Variants in CEP112 observed in about 807,000 individuals in gnomAD.
The protein encoded by CEP112 is centrosomal protein 112, also known as centrosomal protein of 112 kDa.
CEP112 carries 127 observed loss-of-function variants against 153.0 expected under a neutral mutation model. That is an observed-to-expected ratio of 0.83 (90% CI 0.72 to 0.96). The LOEUF is 0.96. Among genes scored for constraint, CEP112 ranks in the 40% least tolerant of loss-of-function variants. CEP112 has a pLI of 0.00. For missense variants in CEP112, 1,089 were observed against 1,101.2 expected, an observed-to-expected ratio of 0.99 and a Z score of 0.16; for synonymous variants, 358 against 374.4, an observed-to-expected ratio of 0.96 and a Z score of 0.51.
chr17:66,102,489 T>A (rs2068602975), intron 6 of CEP112, among the ~76,000 whole-genome samples: 1 of 151,994 alleles, frequency 6.6e-6, no homozygotes, highest in South Asian at 2.1e-4. Context: ...AACTATATAA[T>A]CCTCTCAAAA....
At chr17:65,984,742 C>T (rs992473569) in intron 17 of CEP112, among the ~76,000 whole-genome samples, 1 of 152,010 alleles carries the variant, frequency 6.6e-6, no homozygotes, top group Non-Finnish European at 1.5e-5. Flanking sequence ...AAGCAAATAG[C>T]CCAAGGCCAA....
At chr17:65,979,391 G>A (rs1366301758) in intron 17 of CEP112, among the ~76,000 whole-genome samples, 13 of 151,862 alleles carry the variant, frequency 8.6e-5, no homozygotes, top group South Asian at 4.2e-4. Context: ...ACACCTCTAC[G>A]CGGGTCTATT....
intron 20 of CEP112, among the ~76,000 whole-genome samples, chr17:65,864,301 T>C (rs1171360074): frequency 6.6e-6 from 1 of 152,206 alleles, no homozygotes; most frequent in African/African-American, 2.4e-5. Flanking sequence ...TCTATGTTAA[T>C]GTGCCTAAGT....
In CEP112 at chr17:66,098,217, A is replaced by C. The variant is rs1361638062; in HGVS notation, c.643-1585T>G. 2.0e-5 allele frequency among the ~76,000 whole-genome samples: 3 copies of C among 152,154 alleles called. No individual in the cohort carries two copies. In the East Asian group the frequency reaches 5.8e-4, roughly 29 times the overall value. ...ATCCTTCTTCTGTCCATAAATCTTC[A>C]ATCATCCAGTAGTGCTGCAGCCTCT... On this transcript the variant is annotated intron_variant, in intron 6 of 26. Transcript: ENST00000535342.
chr17:66,096,494 T>C (rs2146280641), intron 7 of CEP112, 91 bp downstream of exon 7: 1 of 1,132,024 alleles, frequency 8.8e-7, no homozygotes, highest in Middle Eastern at 2.1e-4. Context: ...TTTCCTAATG[T>C]AGATCCGCAT....
At chr17:65,776,145 C>T (rs59009755) in intron 21 of CEP112, among the ~76,000 whole-genome samples, 78,243 of 152,036 alleles carry the variant, frequency 0.51, 21,732 homozygotes, top group Non-Finnish European at 0.63. Flanking sequence ...GGACCTCCCA[C>T]CTCCATCTCT....
At chr17:65,705,351 T>C (rs2048861265) in intron 23 of CEP112, among the ~76,000 whole-genome samples, 1 of 152,332 alleles carries the variant, frequency 6.6e-6, no homozygotes, top group Non-Finnish European at 1.5e-5. Context: ...TTTCTTCAGA[T>C]TGAGAATAAG....
Position 65,689,124 on chromosome 17 carries a change from G to GTAC in CEP112, c.2697+4_2697+5insGTA, listed in dbSNP as rs756600052. On this transcript the variant is annotated splice_donor_region_variant and intron_variant, in intron 24 of 26. Transcript: ENST00000535342. ...AAGAGAGTCAAATAGTAAAGGAGAG[G>GTAC]GTACCTGTTCCTGTGACTCCAATTC... is the stretch of plus-strand genomic sequence containing the variant. The GTAC allele has an allele frequency of 6.3e-7, 1 of 1,591,844 alleles. No individual in the cohort carries two copies. Among genetic ancestry groups the GTAC allele is most frequent in the Non-Finnish European group, 8.6e-7 (1 of 1,159,990 alleles).
chr17:65,960,065 C>T (rs1420989215), intron 18 of CEP112, among the ~76,000 whole-genome samples: 1 of 152,166 alleles, frequency 6.6e-6, no homozygotes, highest in African/African-American at 2.4e-5. Context: ...TCCTTAGGCA[C>T]ATTTCTCCCA....
intron 4 of CEP112, among the ~76,000 whole-genome samples, chr17:66,143,051 T>C (rs2070775264): frequency 6.6e-6 from 1 of 152,208 alleles, no homozygotes; most frequent in Non-Finnish European, 1.5e-5. Context: ...TATAGATCTT[T>C]TCCACCTTTG....
At chr17:66,088,841 C>T (rs1275498847) in intron 8 of CEP112, among the ~76,000 whole-genome samples, 1 of 152,124 alleles carries the variant, frequency 6.6e-6, no homozygotes, top group Non-Finnish European at 1.5e-5. Context: ...CACACTCAGG[C>T]CCCTGGCCTG....
At chr17:65,827,660 A>G (rs1321340088) in intron 21 of CEP112, among the ~76,000 whole-genome samples, 2 of 152,160 alleles carry the variant, frequency 1.3e-5, no homozygotes, top group East Asian at 1.9e-4. Flanking sequence ...AGTCAAAGTC[A>G]TTGGAACAGC....
At chr17:65,947,660 TG>T (rs2061691595) in intron 18 of CEP112, among the ~76,000 whole-genome samples, 1 of 152,166 alleles carries the variant, frequency 6.6e-6, no homozygotes, top group Non-Finnish European at 1.5e-5. Context: ...GTTTATTTTT[TG>T]TTTTTCAAAG....
chr17:66,148,521 T>C (rs1416479685), intron 4 of CEP112, among the ~76,000 whole-genome samples: 1 of 152,218 alleles, frequency 6.6e-6, no homozygotes, highest in Non-Finnish European at 1.5e-5. Flanking sequence ...TGGTGTCTTT[T>C]TAGATTCTTT....
chr17:65,640,152 A>T (rs577079621), intron 25 of CEP112, among the ~76,000 whole-genome samples: 19 of 68,682 alleles, frequency 2.8e-4, no homozygotes, highest in South Asian at 4.0e-4. Context: ...ATATATATAT[A>T]TATTTTTTTT....
chr17:66,097,061 G>C (rs140056925), intron 6 of CEP112, among the ~76,000 whole-genome samples: 17 of 152,222 alleles, frequency 1.1e-4, no homozygotes, highest in African/African-American at 3.9e-4. Flanking sequence ...TGCACTCCCA[G>C]ATGTATTTGG....
chr17:65,661,181 C>T (rs2046368659), intron 24 of CEP112, among the ~76,000 whole-genome samples: 1 of 152,062 alleles, frequency 6.6e-6, no homozygotes, highest in Non-Finnish European at 1.5e-5. Context: ...TCCTCTGCGC[C>T]CTTCCTTCCT....
intron 11 of CEP112, among the ~76,000 whole-genome samples, chr17:66,054,747 T>G (rs2066606500): frequency 6.6e-6 from 1 of 152,110 alleles, no homozygotes; most frequent in South Asian, 2.1e-4. Context: ...AAATGATATA[T>G]TTGGCTTTTT....
At chr17:66,060,710 A>G (rs1228767421) in intron 11 of CEP112, among the ~76,000 whole-genome samples, 1 of 152,188 alleles carries the variant, frequency 6.6e-6, no homozygotes, top group East Asian at 1.9e-4. Flanking sequence ...CACATGCAGA[A>G]CAATGAAATT....
Sources: gnomAD v4.1 joint callset for allele counts (sites outside exome capture counted in the v4.1 genomes callset) on GRCh38, gnomAD v4.1.1 for gene constraint, MANE v1.5 for transcripts, NCBI Gene and HGNC (gene_info 2026-07-23, HGNC 2026-07-21) for gene names.